TLK2: variants seen among roughly 807,000 people sequenced by gnomAD.
TLK2 encodes the protein tousled like kinase 2, also known as serine/threonine-protein kinase tousled-like 2.
A neutral mutation model predicts 117.3 loss-of-function variants in TLK2; 6 were observed. That is an observed-to-expected ratio of 0.05 (90% CI 0.03 to 0.10). The LOEUF is 0.10. Among genes scored for constraint, TLK2 ranks in the 10% least tolerant of loss-of-function variants. The pLI is 1.00. For synonymous variants in TLK2, 257 were observed against 316.7 expected (o/e 0.81, Z 2.00); for missense variants, 299 against 901.2 (o/e 0.33, Z 8.56).
At chr17:62,565,284 T>G in intron 11 of TLK2, 147 bp downstream of exon 11, 1 of 1,025,994 alleles carries the variant, frequency 9.7e-7, no homozygotes, top group Non-Finnish European at 1.4e-6. Flanking sequence ...AAGAAATGTA[T>G]CGAATGAGGT....
rs768953292 is a variant in TLK2, at chr17:62,612,644, G to C, written c.*79G>C. ...TTCAGCAGCGGGTTTGGAACATAGC[G>C]AATCCGAATGGATCTGATGAAACCT... is the stretch of plus-strand genomic sequence containing the variant. On this transcript the variant is annotated 3_prime_UTR_variant, in exon 22 of 22. Transcript: ENST00000346027. The C allele has an allele frequency of 7.2e-6, 10 of 1,386,362 alleles. No individual in the cohort carries two copies. Among genetic ancestry groups the C allele is most frequent in the Non-Finnish European group, 9.9e-6 (10 of 1,014,152 alleles). 85.9% of individuals were successfully genotyped at this position (1,386,362 alleles called of 1,614,324 possible).
chr17:62,507,736 ATATGAGCCTCCTTC>A (rs2145169713), intron 2 of TLK2, among the ~76,000 whole-genome samples: 1 of 152,264 alleles, frequency 6.6e-6, no homozygotes, highest in Non-Finnish European at 1.5e-5. Context: ...TTCTTAGTTT[ATATGAGCCTCCTTC>A]GTGGTGCTAA....
At position 62,521,491 on chromosome 17, in the gene TLK2, C is replaced by T. The variant is rs2076047547; in HGVS notation, c.153+647C>T. Among the ~76,000 whole-genome samples, 3 of 152,124 alleles carry T rather than the reference C, an allele frequency of 2.0e-5. No homozygotes were observed. The South Asian group carries it at 6.2e-4, about 32-fold the overall frequency. ...GCAATCATAGCTCATTGTAACCTGA[C>T]ACTCCTGAACTCAAGCAGTCCTCCT... On this transcript the variant is annotated intron_variant, in intron 3 of 21. Coordinates refer to ENST00000346027, the MANE Select transcript of TLK2 (RefSeq NM_006852.6).
In TLK2 at chr17:62,548,240, A is replaced by ATATATATATATGTGTG. The variant is rs368516607; in HGVS notation, c.532-4061_532-4060insATATATATATGTGTGT. ...TTATCATTGGGCCATATATATATAT[A>ATATATATATATGTGTG]TGTGTGTGTGTGTGTGTGTGTGTGT... is the stretch of plus-strand genomic sequence containing the variant. On this transcript the variant is annotated intron_variant, in intron 7 of 21. Transcript: ENST00000346027. Among the ~76,000 whole-genome samples the ATATATATATATGTGTG allele has an allele frequency of 2.5e-5, 3 of 121,234 alleles. No individual in the cohort carries two copies. In the Admixed American group the frequency reaches 2.8e-4, roughly 11 times the overall value. 79.5% of individuals were successfully genotyped at this position (121,234 alleles called of 152,430 possible). A position where few individuals can be genotyped will look rare whatever the true frequency, so the allele number is the denominator to read the frequency against.
intron 16 of TLK2, among the ~76,000 whole-genome samples, chr17:62,587,370 G>A (rs1220250317): frequency 1.3e-5 from 2 of 152,220 alleles, no homozygotes; most frequent in African/African-American, 4.8e-5. Flanking sequence ...TTTTGACAAA[G>A]CAAACACCTC....
intron 2 of TLK2, among the ~76,000 whole-genome samples, chr17:62,513,700 G>GT (rs1313371945): frequency 3.3e-5 from 5 of 151,812 alleles, no homozygotes; most frequent in African/African-American, 7.3e-5. Flanking sequence ...GTTTTGTTTT[G>GT]TTTTTTGGGA....
chr17:62,608,786 A>G (rs749803196), intron 21 of TLK2, among the ~76,000 whole-genome samples: 1 of 152,172 alleles, frequency 6.6e-6, no homozygotes, highest in East Asian at 1.9e-4. Flanking sequence ...TATCAACATT[A>G]TAGGGTTAAA....
chr17:62,510,807 G>A (rs2075084684), intron 2 of TLK2, among the ~76,000 whole-genome samples: 1 of 152,094 alleles, frequency 6.6e-6, no homozygotes, highest in African/African-American at 2.4e-5. Context: ...CTTCAACATA[G>A]GAATTTTGGG....
intron 16 of TLK2, among the ~76,000 whole-genome samples, chr17:62,590,918 T>G (rs1228361416): frequency 6.6e-6 from 1 of 152,204 alleles, no homozygotes; most frequent in Non-Finnish European, 1.5e-5. Context: ...GCATCCTATT[T>G]AGGAGCTAGA....
chr17:62,481,083 A>G (rs371461807), intron 1 of TLK2, 38 bp from the exon 2 acceptor site: 12 of 1,599,734 alleles, frequency 7.5e-6, no homozygotes, highest in Non-Finnish European at 9.4e-6. Context: ...CTCACATTTT[A>G]GTGTTTATGG....
At chr17:62,535,212 T>C (rs1276999899) in intron 6 of TLK2, among the ~76,000 whole-genome samples, 1 of 152,110 alleles carries the variant, frequency 6.6e-6, no homozygotes, top group Non-Finnish European at 1.5e-5. Context: ...AAGAGTTGCC[T>C]AACAGTGTGT....
Position 62,614,080 on chromosome 17 carries a change from C to G in TLK2, c.*1515C>G, listed in dbSNP as rs2083965201. 7.0e-6 allele frequency: 1 copy of G among 143,020 alleles called. No homozygotes were observed. Among genetic ancestry groups the G allele is most frequent in the Admixed American group, 7.3e-5 (1 of 13,760 alleles). 8.9% of individuals were successfully genotyped at this position (143,020 alleles called of 1,614,324 possible). A position where few individuals can be genotyped will look rare whatever the true frequency, so the allele number is the denominator to read the frequency against. On this transcript the variant is annotated 3_prime_UTR_variant, in exon 22 of 22. Coordinates refer to ENST00000346027, the MANE Select transcript of TLK2 (RefSeq NM_006852.6). ...CGGAGGTTGCAGTGAGCCGAGATGG[C>G]ACCACTGCAATCCAGCCTAGGCAAC...
intron 1 of TLK2, among the ~76,000 whole-genome samples, chr17:62,480,224 TTAA>T (rs1218298097): frequency 5.3e-5 from 8 of 152,246 alleles, no homozygotes; most frequent in Non-Finnish European, 1.2e-4. Flanking sequence ...TTCCAACTAC[TTAA>T]TAATGTGTTC....
At chr17:62,583,649 A>G (rs2081377505) in intron 15 of TLK2, among the ~76,000 whole-genome samples, 1 of 151,874 alleles carries the variant, frequency 6.6e-6, no homozygotes, top group Non-Finnish European at 1.5e-5. Flanking sequence ...ATCTTGGCTC[A>G]CTGCTGCAAC....
intron 16 of TLK2, among the ~76,000 whole-genome samples, chr17:62,594,843 A>T (rs1352955594): frequency 6.6e-6 from 1 of 151,602 alleles, no homozygotes; most frequent in African/African-American, 2.4e-5. Flanking sequence ...CCATGTGGGT[A>T]TGCCGGTGAA....
intron 7 of TLK2, chr17:62,550,716 A>G (rs536988857): frequency 1.7e-4 from 26 of 152,372 alleles, no homozygotes; most frequent in African/African-American, 6.3e-4. Flanking sequence ...GTTATTGTGG[A>G]CACAACCCCC....
chr17:62,598,238 C>G (rs1298017582), intron 17 of TLK2, among the ~76,000 whole-genome samples: 1 of 152,184 alleles, frequency 6.6e-6, no homozygotes, highest in African/African-American at 2.4e-5. Context: ...TTCTTGAATA[C>G]TAGGTAGACC....
At chr17:62,606,461 G>T (rs941745728) in intron 20 of TLK2, among the ~76,000 whole-genome samples, 15 of 152,190 alleles carry the variant, frequency 9.9e-5, no homozygotes, top group Admixed American at 9.8e-4. Context: ...CTGCGGGGCT[G>T]TTAAAAACAT....
At chr17:62,483,200 C>T (rs942440997) in intron 2 of TLK2, among the ~76,000 whole-genome samples, 12 of 151,910 alleles carry the variant, frequency 7.9e-5, no homozygotes, top group Admixed American at 2.6e-4. Context: ...CCCCCACCCC[C>T]GCCTCCCGTA....
Sources: allele counts gnomAD v4.1 joint callset (sites outside exome capture counted in the v4.1 genomes callset), GRCh38; gene constraint gnomAD v4.1.1; transcripts MANE v1.5; gene names NCBI Gene and HGNC (gene_info 2026-07-23, HGNC 2026-07-21).